GPR158: variants seen among roughly 807,000 people sequenced by gnomAD.
GPR158 encodes the protein G protein-coupled receptor 158.
A neutral mutation model predicts 78.2 loss-of-function variants in GPR158; 30 were observed. The ratio of observed to expected loss-of-function variants is 0.38; its 90% CI spans 0.29 to 0.52. The LOEUF (loss-of-function observed/expected upper bound fraction) is 0.52, where lower values mean the gene tolerates loss of function less well. Ranked by LOEUF, GPR158 falls within the 20% of genes least tolerant of loss-of-function variation. The probability of loss-of-function intolerance (pLI) is 0.83; values close to 1 mark genes in which losing one functional copy is unlikely to be tolerated. For synonymous variants in GPR158, 581 were observed against 591.1 expected, an observed-to-expected ratio of 0.98 and a Z score of 0.25; for missense variants, 1,463 against 1,523.5, an observed-to-expected ratio of 0.96 and a Z score of 0.66.
intron 5 of GPR158, among the ~76,000 whole-genome samples, chr10:25,478,536 GAGAA>G (rs1835620580): frequency 1.3e-5 from 2 of 151,646 alleles, no homozygotes; most frequent in African/African-American, 2.4e-5. Flanking sequence ...GTAGAGAGAA[GAGAA>G]AGAAATGGAT....
intron 1 of GPR158, among the ~76,000 whole-genome samples, chr10:25,190,147 G>T (rs1381229940): frequency 6.6e-6 from 1 of 151,986 alleles, no homozygotes; most frequent in Non-Finnish European, 1.5e-5. Flanking sequence ...GACTGTGCTT[G>T]CATTTCAGAA....
chr10:25,345,470 G>T (rs1215745245), intron 2 of GPR158, among the ~76,000 whole-genome samples: 1 of 151,892 alleles, frequency 6.6e-6, no homozygotes, highest in Non-Finnish European at 1.5e-5. Flanking sequence ...GTAGTCATTT[G>T]TATTTTTATA....
rs528498210 is a variant in GPR158 at position 25,585,529 on chromosome 10, A to T, written c.1754-3478A>T. On this transcript the variant is annotated intron_variant, in intron 7 of 10. Transcript: ENST00000376351. ...AAGATACTAGAGGGAAGAAAATTCA[A>T]TGTAGGTTATAATCATTTCAGGAGG... 6.0e-4 allele frequency among the ~76,000 whole-genome samples: 91 copies of T among 152,356 alleles called. 1 individual carries two copies. Among genetic ancestry groups the T allele is most frequent in the African/African-American group, 2.0e-3 (84 of 41,596 alleles).
chr10:25,302,102 C>T (rs1472535937), intron 2 of GPR158, among the ~76,000 whole-genome samples: 7 of 143,478 alleles, frequency 4.9e-5, no homozygotes, highest in East Asian at 2.0e-4. Context: ...GATGGAGTCT[C>T]GCTCTGTCGC....
chr10:25,351,501 A>T (rs1218666695), intron 2 of GPR158, among the ~76,000 whole-genome samples: 3 of 151,934 alleles, frequency 2.0e-5, no homozygotes, highest in Non-Finnish European at 4.4e-5. Context: ...GTAGGATAAA[A>T]TGTAAATGTG....
intron 6 of GPR158, among the ~76,000 whole-genome samples, chr10:25,568,106 G>A (rs1193503998): frequency 6.7e-6 from 1 of 148,416 alleles, no homozygotes; most frequent in African/African-American, 2.6e-5. Context: ...TTGGAGAACA[G>A]CAAAGTGGGT....
chr10:25,543,413 AC>A (rs1276338982), intron 5 of GPR158, among the ~76,000 whole-genome samples: 1 of 151,988 alleles, frequency 6.6e-6, no homozygotes, highest in Non-Finnish European at 1.5e-5. Context: ...GAGCCACTGC[AC>A]CCAGCCAGCA....
intron 5 of GPR158, among the ~76,000 whole-genome samples, chr10:25,472,738 T>C (rs1033221653): frequency 6.6e-6 from 1 of 152,162 alleles, no homozygotes; most frequent in African/African-American, 2.4e-5. Context: ...TGAATGGGAG[T>C]TCACTCATGA....
intron 3 of GPR158, among the ~76,000 whole-genome samples, chr10:25,401,306 T>C (rs1387616158): frequency 6.6e-6 from 1 of 152,204 alleles, no homozygotes; most frequent in Non-Finnish European, 1.5e-5. Context: ...TTTTACTGTA[T>C]TATAGGAACC....
At chr10:25,266,252 T>C (rs1404396306) in intron 2 of GPR158, among the ~76,000 whole-genome samples, 3 of 152,174 alleles carry the variant, frequency 2.0e-5, no homozygotes, top group African/African-American at 7.2e-5. Context: ...TTTACATGTT[T>C]AAGTGCAATT....
intron 4 of GPR158, among the ~76,000 whole-genome samples, chr10:25,429,880 T>C (rs1834875962): frequency 7.1e-6 from 1 of 140,476 alleles, no homozygotes; most frequent in Non-Finnish European, 1.5e-5. Flanking sequence ...AAGAGCTATC[T>C]ATGACAAACC....
intron 2 of GPR158, among the ~76,000 whole-genome samples, chr10:25,347,951 C>T (rs915675621): frequency 4.6e-5 from 7 of 151,844 alleles, no homozygotes; most frequent in Non-Finnish European, 1.0e-4. Flanking sequence ...ATATTAATGC[C>T]CAGCCTTTCT....
chr10:25,448,108 G>A (rs1238909008), intron 4 of GPR158, among the ~76,000 whole-genome samples: 31 of 146,020 alleles, frequency 2.1e-4, no homozygotes, highest in Non-Finnish European at 3.3e-4. Flanking sequence ...TTTTTGAGAC[G>A]GAGTCTCGTT....
intron 1 of GPR158, among the ~76,000 whole-genome samples, chr10:25,202,905 C>T (rs182932825): frequency 6.6e-5 from 10 of 152,314 alleles, no homozygotes; most frequent in Admixed American, 2.0e-4. Flanking sequence ...TCCGTGTCCT[C>T]TCCAGCACCT....
intron 5 of GPR158, among the ~76,000 whole-genome samples, chr10:25,470,417 C>T (rs2130622402): frequency 6.6e-6 from 1 of 152,036 alleles, no homozygotes; most frequent in South Asian, 2.1e-4. Context: ...GCAAGAAGGC[C>T]TTCACCAGAA....
Position 25,518,440 on chromosome 10 carries a change from T to C in GPR158, c.1405-32536T>C, listed in dbSNP as rs952887646. Among the ~76,000 whole-genome samples, 2 of 95,108 alleles carry C rather than the reference T, an allele frequency of 2.1e-5. 1 individual carries two copies. Among genetic ancestry groups the C allele is most frequent in the African/African-American group, 1.1e-4 (2 of 18,876 alleles). 62.4% of individuals were successfully genotyped at this position (95,108 alleles called of 152,430 possible). On this transcript the variant is annotated intron_variant, in intron 5 of 10. Coordinates refer to ENST00000376351, the MANE Select transcript of GPR158 (RefSeq NM_020752.3). ...CTTTTGAATGTGTTTGCTCTTGCTT[T>C]TCTAGTTCTTTTAATTGTGTTGTTC... is the stretch of plus-strand genomic sequence containing the variant.
chr10:25,469,076 C>T (rs948776841), intron 5 of GPR158, among the ~76,000 whole-genome samples: 6 of 152,112 alleles, frequency 3.9e-5, no homozygotes, highest in Non-Finnish European at 5.9e-5. Flanking sequence ...TACTTCACTC[C>T]CTGCTCCATC....
chr10:25,252,623 C>CTCAGGGG (rs1380871720), intron 2 of GPR158, among the ~76,000 whole-genome samples: 2 of 152,138 alleles, frequency 1.3e-5, no homozygotes, highest in Admixed American at 6.5e-5. Flanking sequence ...AGTTAGGCTG[C>CTCAGGGG]TCAGGGGTCA....
intron 3 of GPR158, among the ~76,000 whole-genome samples, chr10:25,397,636 T>C (rs1044556882): frequency 4.6e-5 from 7 of 152,272 alleles, no homozygotes; most frequent in African/African-American, 1.7e-4. Context: ...ACATTTAACT[T>C]GTAGGTTCTG....
Sources: gnomAD v4.1 joint callset for allele counts (sites outside exome capture counted in the v4.1 genomes callset) on GRCh38, gnomAD v4.1.1 for gene constraint, MANE v1.5 for transcripts, NCBI Gene and HGNC (gene_info 2026-07-23, HGNC 2026-07-21) for gene names.